The following NCOA5 variants were observed in gnomAD, a reference collection of about 807,000 sequenced individuals.
NCOA5 encodes nuclear receptor coactivator 5, also known as NCoA-5.
A neutral mutation model predicts 59.0 loss-of-function variants in NCOA5; 12 were observed. That is an observed-to-expected ratio of 0.20 (90% CI 0.13 to 0.33). NCOA5 has a LOEUF of 0.33. Among genes scored for constraint, NCOA5 ranks in the 10% least tolerant of loss-of-function variants. The pLI is 1.00. For synonymous variants in NCOA5, 270 were observed against 275.5 expected, an observed-to-expected ratio of 0.98 and a Z score of 0.20; for missense variants, 655 against 766.6, an observed-to-expected ratio of 0.85 and a Z score of 1.72.
intron 1 of NCOA5, among the ~76,000 whole-genome samples, chr20:46,085,224 C>T (rs1156865382): frequency 1.3e-5 from 2 of 151,816 alleles, no homozygotes; most frequent in Non-Finnish European, 2.9e-5. Flanking sequence ...ATACTGTCTC[C>T]CTATGTTGCC....
intron 6 of NCOA5, 80 bp downstream of exon 6, chr20:46,064,949 C>T (rs1730465143): frequency 6.8e-7 from 1 of 1,467,570 alleles, no homozygotes; most frequent in Non-Finnish European, 9.5e-7. Context: ...GAGTCATTTG[C>T]CCAAAACCTG....
intron 2 of NCOA5, among the ~76,000 whole-genome samples, chr20:46,077,790 A>C (rs1471628296): frequency 6.6e-6 from 1 of 152,136 alleles, no homozygotes; most frequent in Non-Finnish European, 1.5e-5. Context: ...ATTAGATGCA[A>C]CTCTTATCCA....
In NCOA5 at chr20:46,070,439, G is replaced by C; in HGVS notation, c.136C>G (p.Arg46Gly). ...ATGTCTCTGCTGTCCCGGGCATCCC[G>C]GCCATTTCTGCCATCCCTGGGCTCT... ...RREPRDGRNG[R>G]DARDSRDIRD... is the part of the protein sequence containing the mutation. Residue 46 changes from arginine to glycine, a missense_variant, in exon 3 of 8, where the codon CGG becomes GGG. Physicochemically the swap from Arg to Gly is moderately radical, Grantham distance 125. Coordinates refer to ENST00000290231, the MANE Select transcript of NCOA5 (RefSeq NM_020967.3). 1 of 1,613,968 alleles carries C rather than the reference G, an allele frequency of 6.2e-7. No homozygotes were observed. The highest frequency in any genetic ancestry group is 8.5e-7 in the Non-Finnish European group (1 of 1,179,998).
At chr20:46,068,698 C>A in intron 3 of NCOA5, 60 bp from the exon 4 acceptor site, 2 of 1,528,922 alleles carry the variant, frequency 1.3e-6, no homozygotes, top group South Asian at 1.2e-5. Context: ...AAAAAGTCAC[C>A]TAGAGAATTC....
At chr20:46,064,807 C>G (rs369965220) in intron 6 of NCOA5, among the ~76,000 whole-genome samples, 2 of 152,324 alleles carry the variant, frequency 1.3e-5, no homozygotes, top group South Asian at 2.1e-4. Flanking sequence ...CAGCACACCA[C>G]TGTATATACC....
chr20:46,068,211 G>C (rs1283204095), intron 4 of NCOA5, among the ~76,000 whole-genome samples: 1 of 152,180 alleles, frequency 6.6e-6, no homozygotes, highest in Non-Finnish European at 1.5e-5. Flanking sequence ...TAGGATTACA[G>C]GTGGTGGCCA....
intron 2 of NCOA5, among the ~76,000 whole-genome samples, chr20:46,071,574 T>A (rs77539999): frequency 1.3e-5 from 2 of 152,302 alleles, no homozygotes; most frequent in Non-Finnish European, 2.9e-5. Flanking sequence ...ACACTAACTA[T>A]CCTAAAATGC....
At chr20:46,063,835 G>C (rs932051547) in intron 6 of NCOA5, among the ~76,000 whole-genome samples, 155 bp from the exon 7 acceptor site, 1 of 152,200 alleles carries the variant, frequency 6.6e-6, no homozygotes, top group African/African-American at 2.4e-5. Flanking sequence ...TGTGGGGGGA[G>C]AGATGAAGGC....
chr20:46,083,535 G>A (rs1397508818), intron 1 of NCOA5, among the ~76,000 whole-genome samples: 1 of 152,182 alleles, frequency 6.6e-6, no homozygotes, highest in Non-Finnish European at 1.5e-5. Context: ...AACTAAGTGT[G>A]CTGTAATTTT....
At chr20:46,086,312 G>A (rs1350475919) in intron 1 of NCOA5, among the ~76,000 whole-genome samples, 1 of 152,172 alleles carries the variant, frequency 6.6e-6, no homozygotes, top group Admixed American at 6.5e-5. Context: ...TTCTTATGAG[G>A]TGAACTATTT....
At position 46,062,358 on chromosome 20, in the gene NCOA5, G is replaced by C. The variant is rs557292754; in HGVS notation, c.1682C>G (p.Thr561Ser). 2 of 1,614,126 alleles carry C rather than the reference G, an allele frequency of 1.2e-6. No homozygotes were observed. The highest frequency in any genetic ancestry group is 2.2e-5 in the East Asian group (1 of 44,880). ...CTGTGGCTGCCCCATCTGTGCTGTG[G>C]TCTGGCTAACCAGGTGGGAGAGAGC... is the stretch of plus-strand genomic sequence containing the variant. The part of the protein sequence containing the change: ...GPALSHLVSQ[T>S]TAQMGQPQAP... Residue 561 changes from threonine to serine, a missense_variant, in exon 8 of 8, where the codon ACC (threonine) becomes AGC (serine). Thr to Ser is a moderately conservative substitution (Grantham distance 58, BLOSUM62 1). This residue lies in a region of NCOA5 where 325 missense variants were observed against 353.2 expected (regional missense o/e 0.92). Transcript: ENST00000290231.
intron 1 of NCOA5, 121 bp downstream of exon 1, chr20:46,089,696 A>C (rs1296099770): frequency 6.6e-6 from 1 of 151,956 alleles, no homozygotes; most frequent in African/African-American, 2.4e-5. Flanking sequence ...AGGAGCCGAG[A>C]CCGTGGCCGC....
chr20:46,088,718 C>A (rs1600638105), intron 1 of NCOA5, among the ~76,000 whole-genome samples: 1 of 152,210 alleles, frequency 6.6e-6, no homozygotes, highest in East Asian at 1.9e-4. Flanking sequence ...AAAGCTGTTA[C>A]ATTATCCCTG....
At chr20:46,070,975 G>C (rs1233772256) in intron 2 of NCOA5, among the ~76,000 whole-genome samples, 1 of 152,148 alleles carries the variant, frequency 6.6e-6, no homozygotes, top group Non-Finnish European at 1.5e-5. Flanking sequence ...TGCACTTGAA[G>C]TATCTTGGCA....
In NCOA5 at chr20:46,065,196, C is replaced by T. The variant is rs760317447; in HGVS notation, c.662G>A (p.Arg221Gln). Residue 221 changes from arginine (R) to glutamine (Q), a missense_variant, in exon 6 of 8, where the codon CGA (arginine) becomes CAA (glutamine). By Grantham distance (43) the Arg-to-Gln change is conservative. Transcript: ENST00000290231. ...CAAGTCCACTACCATGCCCAGGTCT[C>T]GCACCTTCCGCCCCACAGACTCAGC... ...DYAESVGRKV[R>Q]DLGMVVDLIF... 9.3e-6 allele frequency: 15 copies of T among 1,614,050 alleles called. No homozygotes were observed. The highest frequency in any genetic ancestry group is 1.7e-5 in the Admixed American group (1 of 59,990).
intron 1 of NCOA5, among the ~76,000 whole-genome samples, chr20:46,084,976 CAT>C (rs1434048832): frequency 6.6e-6 from 1 of 152,210 alleles, no homozygotes; most frequent in Non-Finnish European, 1.5e-5. Flanking sequence ...ATGTGTCACA[CAT>C]GTCCCAGGCC....
At chr20:46,089,267 G>C (rs1287167481) in intron 1 of NCOA5, among the ~76,000 whole-genome samples, 1 of 152,098 alleles carries the variant, frequency 6.6e-6, no homozygotes, top group Non-Finnish European at 1.5e-5. Flanking sequence ...TACAAAACGC[G>C]TGGGGTGTCA....
At chr20:46,088,932 A>G (rs2085070862) in intron 1 of NCOA5, among the ~76,000 whole-genome samples, 3 of 152,260 alleles carry the variant, frequency 2.0e-5, no homozygotes, top group Admixed American at 6.5e-5. Context: ...CATTAGAAAA[A>G]TAACTGGCTT....
rs2084760750 is a variant in NCOA5 at position 46,061,392 on chromosome 20, C to CT, written c.*907dup. ...AGTCTGACATCAAAGTGGTCCCTAC[C>CT]TCCTGCTGCTCAGGAAACAGAATAA... is the stretch of plus-strand genomic sequence containing the variant. On this transcript the variant is annotated 3_prime_UTR_variant, in exon 8 of 8. Coordinates refer to ENST00000290231, the MANE Select transcript of NCOA5 (RefSeq NM_020967.3). 1 of 152,666 alleles carries CT rather than the reference C, an allele frequency of 6.6e-6. No individual in the cohort carries two copies. 9.5% of individuals were successfully genotyped at this position (152,666 alleles called of 1,614,324 possible).
Sources: allele counts gnomAD v4.1 joint callset (sites outside exome capture counted in the v4.1 genomes callset), GRCh38; gene constraint gnomAD v4.1.1; regional missense constraint gnomAD v4.1.1; transcripts MANE v1.5; gene names NCBI Gene and HGNC (gene_info 2026-07-23, HGNC 2026-07-21).